C1orf94: variants seen among roughly 807,000 people sequenced by gnomAD.
The protein encoded by C1orf94 is chromosome 1 open reading frame 94.
C1orf94 carries 45 observed loss-of-function variants against 53.6 expected under a neutral mutation model. The observed-to-expected ratio is 0.84, with a 90% CI of 0.66 to 1.08. C1orf94 has a LOEUF of 1.08. Among genes scored for constraint, C1orf94 ranks in the 50% least tolerant of loss-of-function variants. The pLI is 0.00. For missense variants in C1orf94, 762 were observed against 738.9 expected (o/e 1.03, Z -0.36); for synonymous variants, 304 against 296.1 (o/e 1.03, Z -0.27).
At chr1:34,186,560 G>A (rs983977947) in intron 1 of C1orf94, among the ~76,000 whole-genome samples, 1 of 152,166 alleles carries the variant, frequency 6.6e-6, no homozygotes, top group African/African-American at 2.4e-5. Context: ...CATAGCATTC[G>A]GTTTTCATAA....
At chr1:34,201,650 A>G (rs1441914820) in intron 3 of C1orf94, among the ~76,000 whole-genome samples, 2 of 152,232 alleles carry the variant, frequency 1.3e-5, no homozygotes, top group Non-Finnish European at 2.9e-5. Flanking sequence ...GTGTTGCCAA[A>G]TATATGTCCT....
At position 34,200,911 on chromosome 1, in the gene C1orf94, C is replaced by T. The variant is rs144742239; in HGVS notation, c.1149C>T (p.Pro383=). 75 of 1,614,152 alleles carry T rather than the reference C, an allele frequency of 4.6e-5. No homozygotes were observed. In the African/African-American group the frequency reaches 7.7e-4, roughly 17 times the overall value. The stretch of plus-strand genomic sequence containing the variant: ...GCACCGCATCACTGACCCTGCCGCC[C>T]AAGAAACCTACATGTCCAGCCGAGA... ...AVGTASLTLP[P]KKPTCPAEKN... The change falls in exon 3 of 7, where the codon CCC becomes CCT. Residue 383 remains proline (P), a synonymous_variant. Coordinates refer to ENST00000488417, the MANE Select transcript of C1orf94 (RefSeq NM_001134734.2).
At chr1:34,202,333 G>T in intron 4 of C1orf94, 74 bp downstream of exon 4, 1 of 1,515,436 alleles carries the variant, frequency 6.6e-7, no homozygotes, top group Non-Finnish European at 9.0e-7. Context: ...GGCTGGCAGG[G>T]GGTCTATTTC....
intron 1 of C1orf94, among the ~76,000 whole-genome samples, chr1:34,188,515 C>G (rs1642423443): frequency 6.6e-6 from 1 of 152,154 alleles, no homozygotes; most frequent in Admixed American, 6.5e-5. Context: ...AGACCGAGGT[C>G]TCCGTGATTC....
chr1:34,177,374 G>C lies in C1orf94; in HGVS notation c.-416G>C, dbSNP rs1315519704. The stretch of plus-strand genomic sequence containing the variant: ...CACCCAGTCCTCCGCGTGGCTTAGC[G>C]GGACAGCATGGGCTGAGCCCAGGCG... On this transcript the variant is annotated 5_prime_UTR_variant, in exon 1 of 7. Transcript: ENST00000488417. Among the ~76,000 whole-genome samples, 1 of 152,168 alleles carries C rather than the reference G, an allele frequency of 6.6e-6. No homozygotes were observed. The highest frequency in any genetic ancestry group is 1.5e-5 in the Non-Finnish European group (1 of 68,018).
intron 2 of C1orf94, 139 bp downstream of exon 2, chr1:34,198,052 C>A: frequency 2.1e-6 from 2 of 959,394 alleles, no homozygotes; most frequent in Non-Finnish European, 3.0e-6. Flanking sequence ...GGCACAGCCC[C>A]GAGGGACGGG....
intron 1 of C1orf94, among the ~76,000 whole-genome samples, chr1:34,193,601 G>C (rs578028620): frequency 1.3e-4 from 20 of 152,322 alleles, no homozygotes; most frequent in African/African-American, 4.8e-4. Flanking sequence ...GCTGGACCCA[G>C]CCAAGTCCCT....
chr1:34,215,361 G>A (rs1642967804), intron 6 of C1orf94, among the ~76,000 whole-genome samples: 2 of 152,256 alleles, frequency 1.3e-5, no homozygotes, highest in Non-Finnish European at 2.9e-5. Context: ...TAGAAGTCTT[G>A]TTTCAGGAGC....
At chr1:34,208,889 G>A (rs1047288315) in intron 5 of C1orf94, among the ~76,000 whole-genome samples, 13 of 152,124 alleles carry the variant, frequency 8.5e-5, no homozygotes, top group African/African-American at 2.7e-4. Flanking sequence ...CAACGCAAAC[G>A]ACATGGCTTT....
chr1:34,175,468 T>C (rs950465098), upstream of C1orf94, among the ~76,000 whole-genome samples: 1 of 152,258 alleles, frequency 6.6e-6, no homozygotes. Flanking sequence ...AAAGGTTTTC[T>C]ACATTCTTAA....
chr1:34,173,676 G>A (rs1334249782), upstream of C1orf94, among the ~76,000 whole-genome samples: 2 of 152,164 alleles, frequency 1.3e-5, no homozygotes, highest in African/African-American at 2.4e-5. Flanking sequence ...AAGTCTATGA[G>A]GTCAGTATTT....
intron 4 of C1orf94, among the ~76,000 whole-genome samples, chr1:34,204,209 T>C (rs1326813352): frequency 6.6e-6 from 1 of 152,208 alleles, no homozygotes; most frequent in African/African-American, 2.4e-5. Flanking sequence ...TTATGTCCTA[T>C]TGGGAAAGGG....
chr1:34,207,262 G>GGGGGT (rs1021463420), intron 4 of C1orf94, among the ~76,000 whole-genome samples: 3 of 147,346 alleles, frequency 2.0e-5, no homozygotes, highest in African/African-American at 7.5e-5. Context: ...AGTTCTGCGG[G>GGGGGT]GTGTGTGTGT....
intron 1 of C1orf94, among the ~76,000 whole-genome samples, chr1:34,194,868 G>T (rs1263245939): frequency 6.6e-6 from 1 of 152,130 alleles, no homozygotes; most frequent in Non-Finnish European, 1.5e-5. Context: ...AAAGTATTTG[G>T]GGAGGGGAGG....
chr1:34,169,272 G>T (rs530883800), intron 1 of C1orf94, among the ~76,000 whole-genome samples: 2 of 152,164 alleles, frequency 1.3e-5, no homozygotes. Context: ...AGACATAACA[G>T]CCTACCCGCA....
rs568952022 is a variant in C1orf94 at position 34,169,596 on chromosome 1, TGA to T, written c.-251+2463_-251+2464del. On this transcript the variant is annotated intron_variant, in intron 1 of 6. Transcript: ENST00000373374. ...AAAAGATCAAAAAGCCTTCTGAAGC[TGA>T]GAGAGAGAGAGAGAGAGAGAGAGAG... Among the ~76,000 whole-genome samples the T allele has an allele frequency of 2.7e-3, 261 of 97,600 alleles. 3 individuals are homozygous for T. The highest frequency in any genetic ancestry group is 0.013 in the South Asian group (30 of 2,340). The allele number at this position is 97,600 out of a possible 152,430, so 64.0% of individuals were successfully genotyped here. A position where few individuals can be genotyped will look rare whatever the true frequency, so the allele number is the denominator to read the frequency against.
chr1:34,197,357 C>T lies in C1orf94; in HGVS notation c.453C>T (p.Pro151=), dbSNP rs774998132. 12 of 1,606,382 alleles carry T rather than the reference C, an allele frequency of 7.5e-6. No individual in the cohort carries two copies. The highest frequency in any genetic ancestry group is 2.2e-5 in the South Asian group (2 of 90,196). The change falls in exon 2 of 7, where the codon CCC becomes CCT. Residue 151 remains proline, a synonymous_variant. Transcript: ENST00000488417. This position sits in a 1 kb window ranked among gnomAD's most constrained non-coding sequence, Gnocchi z 4.1. ...AGCTGGAGGTACCCGGCAGCTCTCC[C>T]GAGGGGACCAGAGAGCTGGCTCCCT... ...SGELEVPGSS[P]EGTRELAPCI... is the part of the protein sequence containing the mutation.
Position 34,212,334 on chromosome 1 carries a change from T to G in C1orf94, c.1649T>G (p.Met550Arg). The change falls in exon 6 of 7, where the codon ATG becomes AGG. Residue 550 changes from methionine to arginine, a missense_variant. Met to Arg is a moderately conservative substitution (Grantham distance 91, BLOSUM62 -1). Transcript: ENST00000488417. Reference protein sequence around the residue: ...YPYPQRTPPKMSANPRDPPLM... With the variant: ...YPYPQRTPPKRSANPRDPPLM... ...TACCCTCAGAGGACACCTCCAAAGA[T>G]GTCTGCCAACCCCCGAGACCCTCCC... 2 of 1,612,788 alleles carry G rather than the reference T, an allele frequency of 1.2e-6. No homozygotes were observed. Among genetic ancestry groups the G allele is most frequent in the Non-Finnish European group, 1.7e-6 (2 of 1,179,508 alleles).
intron 5 of C1orf94, among the ~76,000 whole-genome samples, chr1:34,211,788 C>A (rs1199679225): frequency 6.6e-6 from 1 of 152,050 alleles, no homozygotes; most frequent in Non-Finnish European, 1.5e-5. Context: ...GAAGCCAGAG[C>A]TGTGTAAATC....
Sources: allele counts gnomAD v4.1 joint callset (sites outside exome capture counted in the v4.1 genomes callset), GRCh38; gene constraint gnomAD v4.1.1; non-coding constraint Gnocchi (gnomAD v3.1); transcripts MANE v1.5; gene names NCBI Gene and HGNC (gene_info 2026-07-23, HGNC 2026-07-21).